Variants in GPC5 observed in about 807,000 individuals in gnomAD.
GPC5 encodes the protein glypican 5.
Under a neutral mutation model 53.9 loss-of-function variants are expected in GPC5, and 47 were observed. The ratio of observed to expected loss-of-function variants is 0.87; its 90% CI spans 0.69 to 1.11. The LOEUF (loss-of-function observed/expected upper bound fraction) is 1.11. Ranked by LOEUF, GPC5 falls within the 50% of genes most tolerant of loss-of-function variation. GPC5 has a pLI of 0.00. For synonymous variants in GPC5, 286 were observed against 263.3 expected (o/e 1.09, Z -0.84); for missense variants, 748 against 713.1 (o/e 1.05, Z -0.56).
At chr13:91,628,480 A>ATCTATCTGTCTGTCTG (rs148054564) in intron 2 of GPC5, among the ~76,000 whole-genome samples, 1 of 149,058 alleles carries the variant, frequency 6.7e-6, no homozygotes, top group Non-Finnish European at 1.5e-5. Context: ...ATTTGTATCT[A>ATCTATCTGTCTGTCTG]TCTGTCTGTC....
intron 7 of GPC5, among the ~76,000 whole-genome samples, chr13:92,186,305 C>A (rs959963899): frequency 9.2e-5 from 14 of 151,706 alleles, no homozygotes; most frequent in African/African-American, 2.9e-4. Context: ...TGGAAAAGAA[C>A]CTTAATAAGA....
intron 7 of GPC5, among the ~76,000 whole-genome samples, chr13:92,329,537 A>G (rs1224447384): frequency 6.6e-6 from 1 of 152,082 alleles, no homozygotes; most frequent in Admixed American, 6.6e-5. Context: ...TTTGGAGGGG[A>G]CAAACATCCA....
intron 7 of GPC5, among the ~76,000 whole-genome samples, chr13:92,239,165 T>TC (rs140035488): frequency 5.3e-4 from 80 of 150,076 alleles, no homozygotes; most frequent in Admixed American, 8.0e-4. Context: ...TTTTTTTTTT[T>TC]TCAAGATTCT....
chr13:91,922,461 T>C (rs1359408254), intron 6 of GPC5, among the ~76,000 whole-genome samples: 4 of 152,180 alleles, frequency 2.6e-5, no homozygotes, highest in African/African-American at 9.7e-5. Flanking sequence ...ACTCAATTAT[T>C]TCAATATTCC....
intron 7 of GPC5, among the ~76,000 whole-genome samples, chr13:92,651,027 G>T (rs61975898): frequency 0.24 from 36,136 of 151,824 alleles, 4,986 homozygotes; most frequent in South Asian, 0.39. Context: ...CTGTGTTACT[G>T]TGCTGAGGAT....
intron 2 of GPC5, among the ~76,000 whole-genome samples, chr13:91,657,700 A>T (rs990308026): frequency 1.6e-4 from 24 of 151,310 alleles, no homozygotes; most frequent in Non-Finnish European, 5.9e-5. Context: ...TAAACCTGAT[A>T]AAAAAAAATC....
At chr13:92,530,607 C>A (rs904313763) in intron 7 of GPC5, among the ~76,000 whole-genome samples, 2 of 152,066 alleles carry the variant, frequency 1.3e-5, no homozygotes, top group Admixed American at 6.5e-5. Context: ...TACTTGTGTA[C>A]CGAAGAGGAA....
chr13:92,546,447 A>G (rs1354277540), intron 7 of GPC5, among the ~76,000 whole-genome samples: 1 of 152,160 alleles, frequency 6.6e-6, no homozygotes, highest in Non-Finnish European at 1.5e-5. Context: ...TTACCTAGGA[A>G]TCCAACTTAC....
In GPC5 at chr13:92,798,952, C is replaced by T. The variant is rs562243434; in HGVS notation, c.1562-67330C>T. Among the ~76,000 whole-genome samples the T allele has an allele frequency of 3.3e-5, 5 of 151,878 alleles. No homozygotes were observed. The South Asian group carries it at 1.0e-3, about 31-fold the overall frequency. The stretch of plus-strand genomic sequence containing the variant: ...AATATCTTAGATTCCTCATATTTTT[C>T]TTTGTCTCCAAGAAAGAGTGCATGA... On this transcript the variant is annotated intron_variant, in intron 7 of 7. Transcript: ENST00000377067.
At chr13:92,365,185 T>C (rs914533065) in intron 7 of GPC5, among the ~76,000 whole-genome samples, 3 of 151,774 alleles carry the variant, frequency 2.0e-5, no homozygotes, top group African/African-American at 7.3e-5. Context: ...GTACCCAGGC[T>C]GTGTGATATA....
At chr13:91,896,320 C>T (rs990033225) in intron 5 of GPC5, among the ~76,000 whole-genome samples, 6 of 151,944 alleles carry the variant, frequency 3.9e-5, no homozygotes, top group Admixed American at 6.6e-5. Flanking sequence ...GGAGTTTCAC[C>T]GTGTTAGCCA....
At chr13:92,446,023 T>C (rs1218370264) in intron 7 of GPC5, among the ~76,000 whole-genome samples, 3 of 152,160 alleles carry the variant, frequency 2.0e-5, no homozygotes, top group Non-Finnish European at 4.4e-5. Context: ...GATACAGGCA[T>C]GTAATGTGTA....
chr13:91,706,843 A>C (rs1221602974), intron 3 of GPC5, among the ~76,000 whole-genome samples: 1 of 152,210 alleles, frequency 6.6e-6, no homozygotes, highest in Non-Finnish European at 1.5e-5. Context: ...CTTTGTAACA[A>C]TAAAGAATGC....
intron 7 of GPC5, among the ~76,000 whole-genome samples, chr13:92,544,274 G>C (rs1882026731): frequency 6.6e-6 from 1 of 152,006 alleles, no homozygotes; most frequent in South Asian, 2.1e-4. Flanking sequence ...GGAGCAAACT[G>C]TTTCTGAAGC....
At chr13:92,554,507 AC>A (rs923154621) in intron 7 of GPC5, among the ~76,000 whole-genome samples, 3 of 151,828 alleles carry the variant, frequency 2.0e-5, no homozygotes, top group African/African-American at 7.2e-5. Flanking sequence ...ATTAAAAAAA[AC>A]ATAATAATCC....
At chr13:92,853,449 A>C (rs902096506) in intron 7 of GPC5, among the ~76,000 whole-genome samples, 1 of 152,146 alleles carries the variant, frequency 6.6e-6, no homozygotes, top group Non-Finnish European at 1.5e-5. Flanking sequence ...GTTTGTCACT[A>C]TCCAAAGTTT....
intron 7 of GPC5, among the ~76,000 whole-genome samples, chr13:92,496,179 A>G (rs1419003741): frequency 6.6e-6 from 1 of 152,128 alleles, no homozygotes; most frequent in Non-Finnish European, 1.5e-5. Context: ...TATAATTCGA[A>G]TATAATTATT....
intron 6 of GPC5, among the ~76,000 whole-genome samples, chr13:92,010,686 C>T (rs976033298): frequency 2.6e-5 from 4 of 152,100 alleles, no homozygotes; most frequent in African/African-American, 9.7e-5. Flanking sequence ...TGTCTCTCTC[C>T]ACCCCCACTG....
chr13:92,684,480 A>T (rs1461861234), intron 7 of GPC5, among the ~76,000 whole-genome samples: 1 of 152,016 alleles, frequency 6.6e-6, no homozygotes, highest in Non-Finnish European at 1.5e-5. Context: ...CATATTGGCC[A>T]GGCAGGTCTC....
Sources: allele counts gnomAD v4.1 joint callset (sites outside exome capture counted in the v4.1 genomes callset), GRCh38; gene constraint gnomAD v4.1.1; transcripts MANE v1.5; gene names NCBI Gene and HGNC (gene_info 2026-07-23, HGNC 2026-07-21).